The following ARHGAP21 variants were observed in gnomAD, a reference collection of about 807,000 sequenced individuals.
ARHGAP21 encodes the protein Rho GTPase activating protein 21, also known as rho GTPase-activating protein 21.
ARHGAP21 carries 38 observed loss-of-function variants against 164.6 expected under a neutral mutation model. The ratio of observed to expected loss-of-function variants is 0.23; its 90% CI spans 0.18 to 0.30. The LOEUF (loss-of-function observed/expected upper bound fraction) is 0.30. Ranked by LOEUF, ARHGAP21 falls within the 10% of genes least tolerant of loss-of-function variation. The pLI is 1.00. For missense variants in ARHGAP21, 1,822 were observed against 2,370.7 expected (o/e 0.77, Z 4.81); for synonymous variants, 766 against 857.9 (o/e 0.89, Z 1.87).
intron 21 of ARHGAP21, 34 bp downstream of exon 21, chr10:24,594,916 A>T (rs777658036): frequency 6.5e-7 from 1 of 1,528,964 alleles, no homozygotes; most frequent in African/African-American, 1.4e-5. Context: ...TAAAGCCACT[A>T]AAAGTACATT....
intron 2 of ARHGAP21, among the ~76,000 whole-genome samples, chr10:24,712,409 T>C (rs1342357475): frequency 6.6e-6 from 1 of 152,188 alleles, no homozygotes; most frequent in Non-Finnish European, 1.5e-5. Flanking sequence ...CAAGACCTCC[T>C]GCGGATACCA....
intron 12 of ARHGAP21, among the ~76,000 whole-genome samples, chr10:24,602,869 G>A (rs2076871676): frequency 6.6e-6 from 1 of 152,140 alleles, no homozygotes; most frequent in Admixed American, 6.6e-5. Flanking sequence ...GAATTGATAT[G>A]GGGGAAAGTG....
At chr10:24,616,016 G>A (rs1178339871) in intron 9 of ARHGAP21, among the ~76,000 whole-genome samples, 20 of 152,068 alleles carry the variant, frequency 1.3e-4, no homozygotes, top group Admixed American at 1.2e-3. Context: ...AACCTCAAGT[G>A]ATCTGACTGC....
intron 4 of ARHGAP21, among the ~76,000 whole-genome samples, chr10:24,639,353 G>C (rs1477293342): frequency 6.6e-6 from 1 of 152,124 alleles, no homozygotes; most frequent in East Asian, 1.9e-4. Flanking sequence ...CTGAAAAATG[G>C]GGATGATAAT....
intron 2 of ARHGAP21, among the ~76,000 whole-genome samples, chr10:24,690,893 TAC>T (rs563674632): frequency 6.7e-6 from 1 of 149,794 alleles, no homozygotes; most frequent in African/African-American, 2.4e-5. Context: ...AACACACACA[TAC>T]ACACACACAC....
At chr10:24,685,782 A>G (rs1396851684) in intron 2 of ARHGAP21, among the ~76,000 whole-genome samples, 1 of 152,202 alleles carries the variant, frequency 6.6e-6, no homozygotes, top group African/African-American at 2.4e-5. Flanking sequence ...AGGCTGAGGC[A>G]GGAGAATCGC....
intron 2 of ARHGAP21, chr10:24,714,191 A>G: frequency 6.6e-6 from 1 of 152,256 alleles, no homozygotes; most frequent in East Asian, 1.9e-4. Flanking sequence ...GCATCTGTGC[A>G]TCTTATCAAC....
At chr10:24,630,546 C>T (rs1835754819) in intron 6 of ARHGAP21, among the ~76,000 whole-genome samples, 1 of 152,136 alleles carries the variant, frequency 6.6e-6, no homozygotes, top group South Asian at 2.1e-4. Context: ...GGCTGGAGTG[C>T]AGTGGCGCAA....
chr10:24,586,845 C>T (rs1032377342), intron 25 of ARHGAP21, among the ~76,000 whole-genome samples: 5 of 152,186 alleles, frequency 3.3e-5, no homozygotes, highest in Admixed American at 6.5e-5. Flanking sequence ...CCCAGAAGTT[C>T]GAGATCAGCC....
rs890727342 is a variant in ARHGAP21, at chr10:24,711,899, T to C, written c.63+9938A>G. Among the ~76,000 whole-genome samples, 4 of 151,852 alleles carry C rather than the reference T, an allele frequency of 2.6e-5. No individual in the cohort carries two copies. In the South Asian group the frequency reaches 6.3e-4, roughly 24 times the overall value. ...GGCATGACCTTATTTTGAAAAAGGG[T>C]CTTTGCAGATGTAATTAAGAACTTT... On this transcript the variant is annotated intron_variant, in intron 2 of 25. Coordinates refer to ENST00000396432, the MANE Select transcript of ARHGAP21 (RefSeq NM_020824.4).
At chr10:24,609,257 T>G (rs1398157753) in intron 9 of ARHGAP21, among the ~76,000 whole-genome samples, 1 of 152,224 alleles carries the variant, frequency 6.6e-6, no homozygotes, top group Non-Finnish European at 1.5e-5. Context: ...GATTAAGCAT[T>G]ATTGCAAAGC....
chr10:24,715,109 T>C (rs1471344334), intron 2 of ARHGAP21, among the ~76,000 whole-genome samples: 5 of 152,200 alleles, frequency 3.3e-5, no homozygotes, highest in African/African-American at 1.2e-4. Context: ...GTATGCTTTT[T>C]AGTATTGTTT....
chr10:24,604,435 C>A, intron 11 of ARHGAP21, 87 bp from the exon 12 acceptor site: 2 of 880,288 alleles, frequency 2.3e-6, no homozygotes, highest in South Asian at 1.8e-5. Context: ...TACAATTACT[C>A]TTTCAATAAT....
chr10:24,708,611 A>G (rs1040856856), intron 2 of ARHGAP21, among the ~76,000 whole-genome samples: 4 of 152,106 alleles, frequency 2.6e-5, no homozygotes, highest in East Asian at 3.8e-4. Context: ...TCCATTGTCT[A>G]TCCTTCCACT....
intron 2 of ARHGAP21, among the ~76,000 whole-genome samples, chr10:24,707,200 G>C (rs1844325719): frequency 6.6e-6 from 1 of 152,178 alleles, no homozygotes; most frequent in Non-Finnish European, 1.5e-5. Flanking sequence ...GAAAAGCCTA[G>C]ATCTTAATAA....
At chr10:24,706,993 C>T (rs1844291478) in intron 2 of ARHGAP21, among the ~76,000 whole-genome samples, 1 of 152,218 alleles carries the variant, frequency 6.6e-6, no homozygotes, top group African/African-American at 2.4e-5. Flanking sequence ...GCTGTGCCAT[C>T]ATCAATGACG....
chr10:24,640,696 A>G (rs910074074), intron 4 of ARHGAP21, among the ~76,000 whole-genome samples: 2 of 152,208 alleles, frequency 1.3e-5, no homozygotes, highest in Non-Finnish European at 2.9e-5. Flanking sequence ...AATAACTGAA[A>G]CCCCAACACA....
rs368694505 is a variant in ARHGAP21 at position 24,585,313 on chromosome 10, T to C, written c.4976A>G (p.Gln1659Arg). The C allele has an allele frequency of 3.7e-6, 6 of 1,612,132 alleles. No homozygotes were observed. The highest frequency in any genetic ancestry group is 5.1e-6 in the Non-Finnish European group (6 of 1,179,998). ...TCTCCGGCTGCTCTTAGTCACTTCT[T>C]GCAGTTTTCCTCGGAAAAGCCTCTC... is the stretch of plus-strand genomic sequence containing the variant. ...TSERLFRGKL[Q>R]EVTKSSRRNS... The change falls in exon 26 of 26, where the codon CAA becomes CGA. Residue 1659 changes from glutamine to arginine, a missense_variant. Physicochemically the swap from Gln to Arg is conservative, Grantham distance 43. Around this residue, in one of 5 missense-constraint regions of ARHGAP21, gnomAD observed 333 missense variants for 383.9 expected, o/e 0.87. Transcript: ENST00000396432.
chr10:24,680,030 A>G (rs1841621795), intron 2 of ARHGAP21, among the ~76,000 whole-genome samples: 1 of 152,176 alleles, frequency 6.6e-6, no homozygotes, highest in South Asian at 2.1e-4. Flanking sequence ...TTAAAGTATA[A>G]TAATTAAAAA....
Sources: gnomAD v4.1 joint callset for allele counts (sites outside exome capture counted in the v4.1 genomes callset) on GRCh38, gnomAD v4.1.1 for gene constraint, gnomAD v4.1.1 regional missense constraint, MANE v1.5 for transcripts, NCBI Gene and HGNC (gene_info 2026-07-23, HGNC 2026-07-21) for gene names.